The following TTC28 variants were observed in gnomAD, a reference collection of about 807,000 sequenced individuals.
TTC28 encodes tetratricopeptide repeat domain 28.
In TTC28, 61 loss-of-function variants were observed where a neutral mutation model predicts 198.0. That is an observed-to-expected ratio of 0.31 (90% CI 0.25 to 0.38). The LOEUF is 0.38. Among genes scored for constraint, TTC28 ranks in the 10% least tolerant of loss-of-function variants. The pLI, the probability that TTC28 is intolerant of heterozygous loss-of-function variation, is 1.00. For synonymous variants in TTC28, 1,171 were observed against 1,297.8 expected (o/e 0.90, Z 2.10); for missense variants, 2,678 against 3,164.0 (o/e 0.85, Z 3.69).
At chr22:28,075,063 G>C (rs1417989097) in intron 12 of TTC28, among the ~76,000 whole-genome samples, 2 of 151,706 alleles carry the variant, frequency 1.3e-5, no homozygotes, top group Non-Finnish European at 2.9e-5. Context: ...ACTACAGCCT[G>C]GATAACAGAG....
rs1186580482 is a variant in TTC28, at chr22:28,030,326, T to C, written c.3973A>G (p.Ile1325Val). ...SSETESEAGD[I>V]MDQQFEEMNN... is the part of the protein sequence containing the mutation. Reference sequence around the variant, plus strand: ...ATCTCTTCAAATTGCTGGTCCATGATGTCTCCCGCTTCACTCTCTGTCTCA... The same window carrying C: ...ATCTCTTCAAATTGCTGGTCCATGACGTCTCCCGCTTCACTCTCTGTCTCA... The change falls in exon 13 of 23, where the codon ATC (isoleucine) becomes GTC (valine). Residue 1325 changes from isoleucine to valine, a missense_variant. Physicochemically the swap from Ile to Val is conservative, Grantham distance 29. Coordinates refer to ENST00000397906, the MANE Select transcript of TTC28 (RefSeq NM_001145418.2). The C allele has an allele frequency of 1.3e-6, 2 of 1,551,730 alleles. No homozygotes were observed. The highest frequency in any genetic ancestry group is 1.4e-5 in the African/African-American group (1 of 73,068).
In TTC28 at chr22:28,394,076, A is replaced by AT. The variant is rs139458694; in HGVS notation, c.382-87434dup. ...TAGCTCCACATTTATACAAGCCAGC[A>AT]TTTTTTTTACTCTTTTTTGTGCATT... is the stretch of plus-strand genomic sequence containing the variant. On this transcript the variant is annotated intron_variant, in intron 2 of 22. Transcript: ENST00000397906. 2.7e-3 allele frequency among the ~76,000 whole-genome samples: 408 copies of AT among 151,934 alleles called. 1 individual carries two copies. The highest frequency in any genetic ancestry group is 9.2e-3 in the African/African-American group (381 of 41,430).
chr22:28,117,778 C>T (rs1942672799), intron 6 of TTC28, among the ~76,000 whole-genome samples: 1 of 152,314 alleles, frequency 6.6e-6, no homozygotes, highest in South Asian at 2.1e-4. Context: ...TTCAGCTACC[C>T]TTTCCCTGAG....
At chr22:28,387,532 C>T (rs2046630372) in intron 2 of TTC28, among the ~76,000 whole-genome samples, 1 of 152,170 alleles carries the variant, frequency 6.6e-6, no homozygotes, top group Admixed American at 6.5e-5. Flanking sequence ...TAATGATTGC[C>T]ATTCTAACTG....
At chr22:28,149,219 G>C (rs1943548284) in intron 6 of TTC28, among the ~76,000 whole-genome samples, 1 of 152,208 alleles carries the variant, frequency 6.6e-6, no homozygotes, top group Admixed American at 6.5e-5. Context: ...TTAGCTGGAA[G>C]TCAGATCTGG....
chr22:28,507,406 A>T (rs905181376), intron 2 of TTC28, among the ~76,000 whole-genome samples: 1 of 152,258 alleles, frequency 6.6e-6, no homozygotes, highest in Non-Finnish European at 1.5e-5. Flanking sequence ...ATATGATATT[A>T]TGTAAAGAGA....
chr22:28,591,038 C>CATAT (rs2034288888), intron 2 of TTC28, among the ~76,000 whole-genome samples: 4 of 24,526 alleles, frequency 1.6e-4, no homozygotes, highest in African/African-American at 9.6e-4. Flanking sequence ...CACACACACA[C>CATAT]ACATATATAT....
At chr22:28,417,639 T>C (rs182156573) in intron 2 of TTC28, among the ~76,000 whole-genome samples, 40 of 152,336 alleles carry the variant, frequency 2.6e-4, no homozygotes, top group African/African-American at 8.7e-4. Context: ...CACATAGTTT[T>C]ATTACCAAGG....
intron 2 of TTC28, among the ~76,000 whole-genome samples, chr22:28,422,653 G>A (rs981089442): frequency 6.6e-6 from 1 of 151,786 alleles, no homozygotes; most frequent in African/African-American, 2.4e-5. Flanking sequence ...CACCGTGTTA[G>A]CCAAGATGGT....
At chr22:28,370,975 A>G (rs1347596888) in intron 2 of TTC28, among the ~76,000 whole-genome samples, 1 of 152,170 alleles carries the variant, frequency 6.6e-6, no homozygotes, top group African/African-American at 2.4e-5. Flanking sequence ...AAGCACTGAC[A>G]CTACAGTTAA....
chr22:28,387,291 C>T (rs1601727558), intron 2 of TTC28, among the ~76,000 whole-genome samples: 1 of 152,136 alleles, frequency 6.6e-6, no homozygotes, highest in Admixed American at 6.5e-5. Flanking sequence ...GTGAATAATG[C>T]CGCAATAAAC....
intron 14 of TTC28, among the ~76,000 whole-genome samples, chr22:28,003,427 C>G (rs187841107): frequency 6.6e-6 from 1 of 152,326 alleles, no homozygotes; most frequent in East Asian, 1.9e-4. Flanking sequence ...ATGTGCAAAA[C>G]TGGACCCACT....
At position 28,108,115 on chromosome 22, in the gene TTC28, T is replaced by C. The variant is rs1249014802; in HGVS notation, c.1730A>G (p.Tyr577Cys). 1 of 1,551,576 alleles carries C rather than the reference T, an allele frequency of 6.4e-7. No individual in the cohort carries two copies. The highest frequency in any genetic ancestry group is 8.7e-7 in the Non-Finnish European group (1 of 1,146,972). Residue 577 changes from tyrosine to cysteine, a missense_variant, in exon 7 of 23, where the codon TAT becomes TGT. Coordinates refer to ENST00000397906, the MANE Select transcript of TTC28 (RefSeq NM_001145418.2). ...LGAHDRALQH[Y>C]QNHLNIAREL... ...CCGGGCGATGTTCAAGTGGTTCTGA[T>C]AGTGTTGCAGGGCCCGGTCATGGGC...
intron 5 of TTC28, among the ~76,000 whole-genome samples, chr22:28,186,430 G>GT (rs1569185033): frequency 6.6e-6 from 1 of 152,168 alleles, no homozygotes; most frequent in Non-Finnish European, 1.5e-5. Context: ...CCGAATGCCT[G>GT]TAACTACAGA....
At chr22:28,069,490 G>A (rs1940880452) in intron 12 of TTC28, among the ~76,000 whole-genome samples, 1 of 152,152 alleles carries the variant, frequency 6.6e-6, no homozygotes, top group Admixed American at 6.5e-5. Context: ...GCTAAAATGT[G>A]AGAATTAACT....
intron 5 of TTC28, among the ~76,000 whole-genome samples, chr22:28,267,421 G>C (rs528916868): frequency 1.1e-3 from 165 of 152,308 alleles, no homozygotes; most frequent in Non-Finnish European, 2.2e-3. Flanking sequence ...CACTAAAACA[G>C]CTAGGTGCCA....
chr22:28,183,437 T>C (rs1448156840), intron 5 of TTC28, among the ~76,000 whole-genome samples: 1 of 152,122 alleles, frequency 6.6e-6, no homozygotes, highest in Non-Finnish European at 1.5e-5. Flanking sequence ...TAATGACCAG[T>C]GAAGGCAGGA....
chr22:28,390,803 C>T (rs886065491), intron 2 of TTC28, among the ~76,000 whole-genome samples: 1 of 152,110 alleles, frequency 6.6e-6, no homozygotes, highest in African/African-American at 2.4e-5. Context: ...ATCCAATTTG[C>T]CAGTCTGTGT....
chr22:28,436,508 A>C (rs185262518), intron 2 of TTC28, among the ~76,000 whole-genome samples: 231 of 152,328 alleles, frequency 1.5e-3, no homozygotes, highest in Admixed American at 3.1e-3. Context: ...GTTAGTTCTT[A>C]AAGTATAACC....
Sources: allele counts gnomAD v4.1 joint callset (sites outside exome capture counted in the v4.1 genomes callset), GRCh38; gene constraint gnomAD v4.1.1; transcripts MANE v1.5; gene names NCBI Gene and HGNC (gene_info 2026-07-23, HGNC 2026-07-21).